AKR1C2: variants seen among roughly 807,000 people sequenced by gnomAD.
AKR1C2 encodes the protein aldo-keto reductase family 1 member C2, also known as 3-alpha-HSD3.
A neutral mutation model predicts 39.8 loss-of-function variants in AKR1C2; 27 were observed. The observed-to-expected ratio is 0.68, with a 90% confidence interval of 0.50 to 0.93. The LOEUF is 0.93. Among genes scored for constraint, AKR1C2 ranks in the 40% least tolerant of loss-of-function variants. The probability of loss-of-function intolerance (pLI) is 0.00; values close to 1 mark genes in which losing one functional copy is unlikely to be tolerated. For missense variants in AKR1C2, 263 were observed against 365.1 expected (o/e 0.72, Z 2.28); for synonymous variants, 114 against 137.9 (o/e 0.83, Z 1.22).
At chr10:5,011,633 C>T (rs1554774927) in intron 1 of AKR1C2, among the ~76,000 whole-genome samples, 1 of 152,060 alleles carries the variant, frequency 6.6e-6, no homozygotes. Context: ...GGACAAGAGA[C>T]CCCAATCAGC....
intron 7 of AKR1C2, among the ~76,000 whole-genome samples, chr10:4,994,286 C>T (rs1337837927): frequency 6.6e-6 from 1 of 151,652 alleles, no homozygotes; most frequent in Non-Finnish European, 1.5e-5. Context: ...TATTCATATT[C>T]ATACATATAA....
chr10:5,012,173 A>AT (rs1451093548), intron 1 of AKR1C2, among the ~76,000 whole-genome samples: 2 of 151,968 alleles, frequency 1.3e-5, no homozygotes, highest in African/African-American at 4.8e-5. Context: ...TGAAATCTAG[A>AT]TTTTTCAGGA....
intron 1 of AKR1C2, among the ~76,000 whole-genome samples, chr10:5,002,437 G>A (rs1291519869): frequency 6.6e-6 from 1 of 152,112 alleles, no homozygotes; most frequent in Non-Finnish European, 1.5e-5. Context: ...CCAGGTTTTG[G>A]CCATTCTGTC....
chr10:4,999,460 C>A, intron 3 of AKR1C2, 183 bp from the exon 4 acceptor site: 1 of 1,341,024 alleles, frequency 7.5e-7, no homozygotes, highest in Admixed American at 2.5e-5. Context: ...TGACAGGCTT[C>A]CTCTAATCTC....
upstream of AKR1C2, chr10:5,004,006 G>A (rs549631993): frequency 2.4e-4 from 131 of 551,422 alleles, no homozygotes; most frequent in Non-Finnish European, 3.6e-4. Flanking sequence ...CAGTTCAACC[G>A]TTTCTTACCT....
chr10:5,017,588 A>C (rs1837669114), intron 1 of AKR1C2, among the ~76,000 whole-genome samples: 4 of 152,182 alleles, frequency 2.6e-5, no homozygotes, highest in Admixed American at 2.6e-4. Flanking sequence ...TATCCCTATC[A>C]GCATTTTCTT....
chr10:5,017,552 C>A (rs1267754184), intron 1 of AKR1C2, among the ~76,000 whole-genome samples: 3 of 152,154 alleles, frequency 2.0e-5, no homozygotes, highest in African/African-American at 7.2e-5. Flanking sequence ...CATCTGAGAA[C>A]TCCTCAGCCT....
chr10:5,008,015 G>C (rs1192904054), upstream of AKR1C2, among the ~76,000 whole-genome samples: 1 of 151,416 alleles, frequency 6.6e-6, no homozygotes, highest in Non-Finnish European at 1.5e-5. Flanking sequence ...GGGGGCTTTG[G>C]GAAGCACTGT....
At position 5,000,283 on chromosome 10, in the gene AKR1C2, A is replaced by C. The variant is rs1312382688; in HGVS notation, c.369+267T>G. 1.2e-5 allele frequency: 18 copies of C among 1,474,148 alleles called. No individual in the cohort carries two copies. The East Asian group carries it at 1.5e-4, about 12-fold the overall frequency. The allele number at this position is 1,474,148 out of a possible 1,614,324, so 91.3% of individuals were successfully genotyped here. Reference sequence around the variant, plus strand: ...TCATAAATAAGACCTTGTGCCTTCAAGGAGATGATTGTCATTTCCTCAAGT... The same window carrying C: ...TCATAAATAAGACCTTGTGCCTTCACGGAGATGATTGTCATTTCCTCAAGT... On this transcript the variant is annotated intron_variant, in intron 3 of 8. Transcript: ENST00000380753.
intron 5 of AKR1C2, among the ~76,000 whole-genome samples, chr10:4,998,366 G>A (rs782031497): frequency 7.9e-5 from 12 of 152,020 alleles, no homozygotes; most frequent in Non-Finnish European, 1.5e-4. Context: ...AGTCTAATTG[G>A]CAATCCTTGG....
At chr10:4,991,493 G>A (rs1393868119) in intron 8 of AKR1C2, among the ~76,000 whole-genome samples, 9 of 152,122 alleles carry the variant, frequency 5.9e-5, no homozygotes, top group East Asian at 1.9e-4. Flanking sequence ...CATCTAATGC[G>A]ACCACATGGG....
chr10:4,990,465 A>G (rs1269742435), intron 8 of AKR1C2, among the ~76,000 whole-genome samples: 6 of 152,236 alleles, frequency 3.9e-5, no homozygotes, highest in African/African-American at 1.4e-4. Context: ...TGATAATTAT[A>G]CTGGTAGTAA....
chr10:4,994,418 T>C (rs1836959116), intron 7 of AKR1C2, among the ~76,000 whole-genome samples: 1 of 152,286 alleles, frequency 6.6e-6, no homozygotes. Flanking sequence ...TTCCTTCCAG[T>C]AAGAGGTGGT....
upstream of AKR1C2, among the ~76,000 whole-genome samples, chr10:5,005,525 C>A (rs1382787117): frequency 2.7e-5 from 4 of 150,230 alleles, no homozygotes; most frequent in Admixed American, 6.6e-5. Flanking sequence ...TACTAAAATC[C>A]AAAAAAAAAT....
upstream of AKR1C2, among the ~76,000 whole-genome samples, chr10:5,005,212 C>T (rs1199819016): frequency 6.6e-6 from 1 of 152,150 alleles, no homozygotes; most frequent in Non-Finnish European, 1.5e-5. Flanking sequence ...AGGGCAAACA[C>T]AGTCCACATA....
At chr10:5,007,964 A>G (rs558422647), upstream of AKR1C2, among the ~76,000 whole-genome samples, 647 of 150,796 alleles carry the variant, frequency 4.3e-3, 15 homozygotes, top group African/African-American at 0.015. Flanking sequence ...TTGACTCTAT[A>G]TTCTTCATTC....
upstream of AKR1C2, chr10:5,006,719 A>G (rs1353260014): frequency 1.3e-5 from 2 of 151,134 alleles, no homozygotes; most frequent in African/African-American, 4.9e-5. Context: ...TAGGTGATAT[A>G]TTTAATGTGA....
At chr10:5,000,342 T>A in intron 3 of AKR1C2, 1 of 1,536,444 alleles carries the variant, frequency 6.5e-7, no homozygotes, top group Non-Finnish European at 8.8e-7. Context: ...TTCTGCACTC[T>A]CTTTTCTTGT....
At chr10:5,016,263 T>C (rs1837637082) in intron 1 of AKR1C2, among the ~76,000 whole-genome samples, 1 of 152,166 alleles carries the variant, frequency 6.6e-6, no homozygotes, top group Admixed American at 6.5e-5. Context: ...AATTCTAAAG[T>C]CTCATCTGAG....
Sources: allele counts gnomAD v4.1 joint callset (sites outside exome capture counted in the v4.1 genomes callset), GRCh38; gene constraint gnomAD v4.1.1; transcripts MANE v1.5; gene names NCBI Gene and HGNC (gene_info 2026-07-23, HGNC 2026-07-21).